ESPN: variants seen among roughly 807,000 people sequenced by gnomAD.
ESPN encodes autosomal recessive deafness type 36 protein.
In ESPN, 68 loss-of-function variants were observed where a neutral mutation model predicts 77.7. That is an observed-to-expected ratio of 0.87 (90% CI 0.72 to 1.07). ESPN has a LOEUF of 1.07. Among genes scored for constraint, ESPN ranks in the 50% least tolerant of loss-of-function variants. The pLI, the probability that ESPN is intolerant of heterozygous loss-of-function variation, is 0.00. For synonymous variants in ESPN, 449 were observed against 567.1 expected, an observed-to-expected ratio of 0.79 and a Z score of 2.96; for missense variants, 1,060 against 1,239.0, an observed-to-expected ratio of 0.86 and a Z score of 2.17.
At chr1:6,448,462 G>A (rs1160153441) in intron 7 of ESPN, 179 bp from the exon 8 acceptor site, 6 of 540,538 alleles carry the variant, frequency 1.1e-5, no homozygotes, top group Non-Finnish European at 1.9e-5. Flanking sequence ...TTCCACCGAG[G>A]CCCCCATGAC....
Position 6,425,109 on chromosome 1 carries a change from C to T in ESPN, c.154C>T (p.Leu52=). 1 of 1,508,192 alleles carries T rather than the reference C, an allele frequency of 6.6e-7. No homozygotes were observed. The highest frequency in any genetic ancestry group is 2.3e-4 in the Middle Eastern group (1 of 4,272). The allele number at this position is 1,508,192 out of a possible 1,614,324, so 93.4% of individuals were successfully genotyped here. A position where few individuals can be genotyped will look rare whatever the true frequency, so the allele number is the denominator to read the frequency against. Residue 52 remains leucine, a synonymous_variant, in exon 1 of 13, where the codon CTG becomes TTG. Coordinates refer to ENST00000645284, the MANE Select transcript of ESPN (RefSeq NM_031475.3). ...GGCCCGCGCTGGGAAGCTGCACTGT[C>T]TGCGCTTCCTGGTGGAGGAAGCCGC... ...HAARAGKLHC[L]RFLVEEAALP... is the part of the protein sequence containing the mutation.
At chr1:6,436,475 AT>A (rs1174494978) in intron 2 of ESPN, among the ~76,000 whole-genome samples, 2 of 116,682 alleles carry the variant, frequency 1.7e-5, no homozygotes, top group Non-Finnish European at 3.3e-5. Context: ...AGTGATGGGA[AT>A]TTTTTCTTAT....
rs553734725 is a variant in ESPN, at chr1:6,444,366, C to T, written c.991-115C>T. The T allele has an allele frequency of 1.7e-4, 167 of 955,972 alleles. 3 individuals carry two copies. The South Asian group carries it at 2.2e-3, about 12-fold the overall frequency. 59.2% of individuals were successfully genotyped at this position (955,972 alleles called of 1,614,324 possible). A position where few individuals can be genotyped will look rare whatever the true frequency, so the allele number is the denominator to read the frequency against. Reference sequence around the variant, plus strand: ...GTGATGGGGAAGAGACCCCAGAGAGCGGTGTGGCTTGGCCAAGATCCCACA... The same window carrying T: ...GTGATGGGGAAGAGACCCCAGAGAGTGGTGTGGCTTGGCCAAGATCCCACA... On this transcript the variant is annotated intron_variant, in intron 5 of 12. Transcript: ENST00000645284.
At chr1:6,438,317 A>G (rs1451477172) in intron 2 of ESPN, among the ~76,000 whole-genome samples, 3 of 152,206 alleles carry the variant, frequency 2.0e-5, no homozygotes, top group Non-Finnish European at 4.4e-5. Context: ...AAAGTTCAGC[A>G]ATGGCTGTGC....
At chr1:6,459,052 C>T (rs542362768) in intron 12 of ESPN, among the ~76,000 whole-genome samples, 2 of 151,972 alleles carry the variant, frequency 1.3e-5, no homozygotes, top group Admixed American at 1.3e-4. Context: ...ACCAGCCTGA[C>T]CAACATGGTG....
rs752686383 is a variant in ESPN, at chr1:6,451,225, G to A, written c.1916-378G>A. 5 of 365,526 alleles carry A rather than the reference G, an allele frequency of 1.4e-5. No homozygotes were observed. The highest frequency in any genetic ancestry group is 1.1e-4 in the South Asian group (5 of 44,236). 22.6% of individuals were successfully genotyped at this position (365,526 alleles called of 1,614,324 possible). A position where few individuals can be genotyped will look rare whatever the true frequency, so the allele number is the denominator to read the frequency against. On this transcript the variant is annotated intron_variant, in intron 8 of 12. Transcript: ENST00000645284. This position sits in a 1 kb window ranked among gnomAD's most constrained non-coding sequence, Gnocchi z 4.3. ...GCCAGAGGGAGGCTCCACCCCAGCC[G>A]GGCTGAGCCAGGGAACCTGGGACAA...
intron 7 of ESPN, among the ~76,000 whole-genome samples, chr1:6,446,233 C>T (rs1643833182): frequency 6.6e-6 from 1 of 152,060 alleles, no homozygotes; most frequent in African/African-American, 2.4e-5. Context: ...ACAGAGTGGC[C>T]GGGTTGTCAT....
In ESPN at chr1:6,459,594, A is replaced by G. The variant is rs957927672; in HGVS notation, c.2418-405A>G. ...AATTCTCAGTCCCTCTCTCAATTAT[A>G]TGGTCTCTCTGCTCCCCAGCAGCCC... On this transcript the variant is annotated intron_variant, in intron 12 of 12. Coordinates refer to ENST00000645284, the MANE Select transcript of ESPN (RefSeq NM_031475.3). Among the ~76,000 whole-genome samples the G allele has an allele frequency of 5.3e-5, 8 of 152,130 alleles. No individual in the cohort carries two copies. In the East Asian group the frequency reaches 1.5e-3, roughly 29 times the overall value.
chr1:6,431,628 CAAAAAAA>C (rs760363517), intron 2 of ESPN, among the ~76,000 whole-genome samples: 584 of 61,754 alleles, frequency 9.5e-3, no homozygotes, highest in Middle Eastern at 0.024. Flanking sequence ...AAGATTCTGT[CAAAAAAA>C]AAAAAAAAAA....
At position 6,448,986 on chromosome 1, in the gene ESPN, CCG is replaced by C; in HGVS notation, c.1812_1813del (p.Leu606AlafsTer52). On this transcript the variant is annotated frameshift_variant, in exon 8 of 13. Coordinates refer to ENST00000645284, the MANE Select transcript of ESPN (RefSeq NM_031475.3). LOFTEE classifies it high-confidence loss of function. ...GCCACCGCCGCCCCCACCGCCGCCG[CCG>C]CCCCTGCCGGAGGCCGCGAGTTCGC... ...ELPPPPPPPP[P>X]PLPEAASSPP... The C allele has an allele frequency of 6.9e-7, 1 of 1,440,844 alleles. No individual in the cohort carries two copies. Among genetic ancestry groups the C allele is most frequent in the Non-Finnish European group, 9.1e-7 (1 of 1,103,226 alleles). The allele number at this position is 1,440,844 out of a possible 1,614,324, so 89.3% of individuals were successfully genotyped here. A position where few individuals can be genotyped will look rare whatever the true frequency, so the allele number is the denominator to read the frequency against.
Position 6,440,411 on chromosome 1 carries a change from A to G in ESPN, c.646A>G (p.Met216Val). The G allele has an allele frequency of 6.3e-7, 1 of 1,577,552 alleles. No individual in the cohort carries two copies. The highest frequency in any genetic ancestry group is 1.1e-5 in the South Asian group (1 of 87,332). The change falls in exon 3 of 13, where the codon ATG (methionine) becomes GTG (valine). Residue 216 changes from methionine to valine, a missense_variant. Transcript: ENST00000645284. The stretch of plus-strand genomic sequence containing the variant: ...GACCCCGCTGCACGCCGCGGCGCAG[A>G]TGGGCCACAGCCCAGTCATCGTGTG... ...GMTPLHAAAQ[M>V]GHSPVIVWLV...
At chr1:6,446,294 C>T (rs1275918307) in intron 7 of ESPN, among the ~76,000 whole-genome samples, 1 of 152,174 alleles carries the variant, frequency 6.6e-6, no homozygotes, top group African/African-American at 2.4e-5. Flanking sequence ...CATGCCCCCC[C>T]ACCCCCACAG....
intron 3 of ESPN, 24 bp from the exon 4 acceptor site, chr1:6,440,602 C>CCAAAAA: frequency 4.0e-6 from 5 of 1,256,470 alleles, no homozygotes; most frequent in Non-Finnish European, 5.5e-6. Flanking sequence ...CCCCCGCCCC[C>CCAAAAA]CTCTCCCCGC....
rs144448933 is a variant in ESPN at position 6,441,049 on chromosome 1, G to T, written c.974G>T (p.Arg325Leu). ...CACAGCCACTGCACCCGCTACCTGCGCACGGTGGAGAACCTGGTACGATCC... is the reference window on the plus strand; with the variant it reads ...CACAGCCACTGCACCCGCTACCTGCTCACGGTGGAGAACCTGGTACGATCC... ...NGHSHCTRYL[R>L]TVENLSVEHR... The change falls in exon 5 of 13, where the codon CGC becomes CTC. Residue 325 changes from arginine to leucine, a missense_variant. Coordinates refer to ENST00000645284, the MANE Select transcript of ESPN (RefSeq NM_031475.3). The T allele has an allele frequency of 1.2e-6, 2 of 1,611,288 alleles. No homozygotes were observed. The highest frequency in any genetic ancestry group is 8.5e-7 in the Non-Finnish European group (1 of 1,179,506).
intron 6 of ESPN, 64 bp from the exon 7 acceptor site, chr1:6,445,600 C>G: frequency 6.4e-7 from 1 of 1,565,340 alleles, no homozygotes; most frequent in South Asian, 1.1e-5. Flanking sequence ...GGTGGAGAGT[C>G]TCAGTCTTGG....
chr1:6,455,928 G>A, intron 10 of ESPN: 1 of 398,892 alleles, frequency 2.5e-6, no homozygotes, highest in Non-Finnish European at 4.4e-6. Flanking sequence ...GAAAGAACAG[G>A]AGCGGACCGA....
intron 5 of ESPN, among the ~76,000 whole-genome samples, chr1:6,442,009 G>T (rs1234953515): frequency 1.3e-5 from 2 of 152,206 alleles, no homozygotes; most frequent in African/African-American, 4.8e-5. Flanking sequence ...CAGGTAGTGA[G>T]CACTCTGTCA....
chr1:6,451,251 AGGTCAGGTGGCT>A lies in ESPN; in HGVS notation c.1916-350_1916-339del. On this transcript the variant is annotated intron_variant, in intron 8 of 12. Coordinates refer to ENST00000645284, the MANE Select transcript of ESPN (RefSeq NM_031475.3). This position sits in a 1 kb window ranked among gnomAD's most constrained non-coding sequence, Gnocchi z 4.3. ...GGCTGAGCCAGGGAACCTGGGACAAAGGTCAGGTGGCTGATTCCAGGTAGTGTTTTGGAGCTG... is the reference window on the plus strand; with the variant it reads ...GGCTGAGCCAGGGAACCTGGGACAAAGATTCCAGGTAGTGTTTTGGAGCTG... 2.6e-6 allele frequency: 1 copy of A among 387,992 alleles called. No individual in the cohort carries two copies. Among genetic ancestry groups the A allele is most frequent in the Non-Finnish European group, 4.9e-6 (1 of 204,228 alleles). 24.0% of individuals were successfully genotyped at this position (387,992 alleles called of 1,614,324 possible).
chr1:6,424,935 C>A lies in ESPN; in HGVS notation c.-21C>A, dbSNP rs1642978543. 7.0e-7 allele frequency: 1 copy of A among 1,437,926 alleles called. No homozygotes were observed. Among genetic ancestry groups the A allele is most frequent in the South Asian group, 1.3e-5 (1 of 74,536 alleles). The allele number at this position is 1,437,926 out of a possible 1,614,324, so 89.1% of individuals were successfully genotyped here. On this transcript the variant is annotated 5_prime_UTR_variant, in exon 1 of 13. Transcript: ENST00000645284. ...CTGGGGAAGGCGCTGAGTGCGGAGTCGCGGCGCCGCACGCGGCACCATGGC... is the reference window on the plus strand; with the variant it reads ...CTGGGGAAGGCGCTGAGTGCGGAGTAGCGGCGCCGCACGCGGCACCATGGC...
Sources: gnomAD v4.1 joint callset for allele counts (sites outside exome capture counted in the v4.1 genomes callset) on GRCh38, gnomAD v4.1.1 for gene constraint, Gnocchi (gnomAD v3.1) non-coding constraint, MANE v1.5 for transcripts, NCBI Gene and HGNC (gene_info 2026-07-23, HGNC 2026-07-21) for gene names.